Variants in ZBTB44 observed in about 807,000 individuals in gnomAD.
ZBTB44 encodes the protein zinc finger and BTB domain-containing protein 44.
Under a neutral mutation model 54.0 loss-of-function variants are expected in ZBTB44, and 15 were observed. The ratio of observed to expected loss-of-function variants is 0.28; its 90% CI spans 0.19 to 0.43. The LOEUF (loss-of-function observed/expected upper bound fraction) is 0.43, where lower values mean the gene tolerates loss of function less well. Among genes scored for constraint, ZBTB44 ranks in the 20% least tolerant of loss-of-function variants. ZBTB44 has a pLI of 1.00. For missense variants in ZBTB44, 487 were observed against 707.1 expected (o/e 0.69, Z 3.53); for synonymous variants, 230 against 250.1 (o/e 0.92, Z 0.76).
At chr11:130,302,485 C>T (rs1196311149) in intron 1 of ZBTB44, among the ~76,000 whole-genome samples, 1 of 152,040 alleles carries the variant, frequency 6.6e-6, no homozygotes, top group Non-Finnish European at 1.5e-5. Context: ...GTGAAGTGCA[C>T]CAAAGACAAA....
At chr11:130,297,919 G>GT (rs749491988) in intron 1 of ZBTB44, among the ~76,000 whole-genome samples, 6 of 152,100 alleles carry the variant, frequency 3.9e-5, no homozygotes, top group East Asian at 1.9e-4. Context: ...TCAAATATAT[G>GT]TTTTTTATAA....
At chr11:130,290,978 T>A (rs1203163034) in intron 1 of ZBTB44, among the ~76,000 whole-genome samples, 1 of 152,202 alleles carries the variant, frequency 6.6e-6, no homozygotes, top group East Asian at 1.9e-4. Flanking sequence ...CTCTTTGCCC[T>A]AAACTGCTTT....
intron 2 of ZBTB44, among the ~76,000 whole-genome samples, chr11:130,255,551 G>C (rs1565655210): frequency 1.3e-5 from 2 of 152,026 alleles, no homozygotes; most frequent in South Asian, 4.2e-4. Context: ...AAATAACTAA[G>C]AACAGAGCAG....
intron 1 of ZBTB44, among the ~76,000 whole-genome samples, chr11:130,308,358 T>G (rs577111548): frequency 1.2e-4 from 19 of 152,222 alleles, no homozygotes; most frequent in Non-Finnish European, 2.5e-4. Flanking sequence ...TTATTCAATT[T>G]TTATGACTTG....
chr11:130,235,120 T>C (rs531734349), intron 5 of ZBTB44, among the ~76,000 whole-genome samples: 1 of 152,358 alleles, frequency 6.6e-6, no homozygotes, highest in East Asian at 1.9e-4. Flanking sequence ...CATTATACCA[T>C]AATTGTCAAT....
At chr11:130,301,915 C>T (rs2134455676) in intron 1 of ZBTB44, among the ~76,000 whole-genome samples, 1 of 151,734 alleles carries the variant, frequency 6.6e-6, no homozygotes, top group Admixed American at 6.6e-5. Context: ...TGGTGGAGTG[C>T]ACCTGTAGTC....
At chr11:130,271,468 T>G (rs1022648701) in intron 1 of ZBTB44, among the ~76,000 whole-genome samples, 1 of 152,188 alleles carries the variant, frequency 6.6e-6, no homozygotes, top group African/African-American at 2.4e-5. Flanking sequence ...AAAGCTCAAG[T>G]CAACTTGAGG....
chr11:130,248,220 T>G (rs1209228901), intron 2 of ZBTB44, among the ~76,000 whole-genome samples: 1 of 152,224 alleles, frequency 6.6e-6, no homozygotes, highest in African/African-American at 2.4e-5. Flanking sequence ...TTTCTCCCTC[T>G]CAAATTTACT....
At chr11:130,306,871 C>T (rs143219937) in intron 1 of ZBTB44, among the ~76,000 whole-genome samples, 2 of 151,988 alleles carry the variant, frequency 1.3e-5, no homozygotes, top group Non-Finnish European at 2.9e-5. Flanking sequence ...AAGGATATAA[C>T]GGACTTTGGG....
chr11:130,250,148 G>A (rs1405194089), intron 2 of ZBTB44, among the ~76,000 whole-genome samples: 1 of 152,194 alleles, frequency 6.6e-6, no homozygotes, highest in Non-Finnish European at 1.5e-5. Context: ...AAAAGGCCTG[G>A]AAGTTCCAAC....
chr11:130,289,673 G>C (rs1157031441), intron 1 of ZBTB44, among the ~76,000 whole-genome samples: 2 of 152,044 alleles, frequency 1.3e-5, no homozygotes, highest in African/African-American at 4.8e-5. Context: ...GCCTAGAATT[G>C]TGGGGATCGT....
intron 2 of ZBTB44, among the ~76,000 whole-genome samples, chr11:130,246,863 T>G (rs2136329764): frequency 6.6e-6 from 1 of 152,318 alleles, no homozygotes; most frequent in Non-Finnish European, 1.5e-5. Flanking sequence ...AGTCACTCTG[T>G]GACCCTTATT....
chr11:130,244,107 G>A (rs1954521153), intron 2 of ZBTB44, among the ~76,000 whole-genome samples: 1 of 152,112 alleles, frequency 6.6e-6, no homozygotes, highest in Non-Finnish European at 1.5e-5. Context: ...TTACCTCCCT[G>A]GGCCAGGCTT....
At chr11:130,293,636 AAAAG>A (rs1049078084) in intron 1 of ZBTB44, among the ~76,000 whole-genome samples, 2 of 151,526 alleles carry the variant, frequency 1.3e-5, no homozygotes, top group Non-Finnish European at 2.9e-5. Context: ...AAAAAAAAAA[AAAAG>A]AAAGAAATTA....
At chr11:130,272,473 G>C (rs1048224418) in intron 1 of ZBTB44, among the ~76,000 whole-genome samples, 5 of 152,186 alleles carry the variant, frequency 3.3e-5, no homozygotes, top group African/African-American at 9.6e-5. Context: ...AGTTGTCAGA[G>C]TTCTTTATAT....
intron 2 of ZBTB44, among the ~76,000 whole-genome samples, chr11:130,240,912 T>C (rs1954333655): frequency 6.6e-6 from 1 of 152,226 alleles, no homozygotes; most frequent in African/African-American, 2.4e-5. Context: ...AAAACAGTTA[T>C]CATTTTGCCT....
chr11:130,242,090 C>T (rs1238121871), intron 2 of ZBTB44, among the ~76,000 whole-genome samples: 1 of 152,152 alleles, frequency 6.6e-6, no homozygotes, highest in Non-Finnish European at 1.5e-5. Context: ...CTTCTGCATT[C>T]CTGTATACAT....
chr11:130,239,469 C>T (rs750906286), intron 3 of ZBTB44: 9 of 238,308 alleles, frequency 3.8e-5, no homozygotes, highest in Admixed American at 2.6e-4. Flanking sequence ...ACTCTGCCAT[C>T]CACAAACAAT....
intron 2 of ZBTB44, among the ~76,000 whole-genome samples, chr11:130,242,323 C>A (rs1954403018): frequency 2.0e-5 from 3 of 152,134 alleles, no homozygotes; most frequent in African/African-American, 4.8e-5. Flanking sequence ...TTCCATCCTG[C>A]CATTTACAAA....
Sources: gnomAD v4.1 joint callset for allele counts (sites outside exome capture counted in the v4.1 genomes callset) on GRCh38, gnomAD v4.1.1 for gene constraint, MANE v1.5 for transcripts, NCBI Gene and HGNC (gene_info 2026-07-23, HGNC 2026-07-21) for gene names.